Variants in CD302 observed in about 807,000 individuals in gnomAD.
CD302 encodes the protein CD302 antigen.
A neutral mutation model predicts 26.5 loss-of-function variants in CD302; 23 were observed. That is an observed-to-expected ratio of 0.87 (90% CI 0.62 to 1.23). The LOEUF is 1.23. Among genes scored for constraint, CD302 ranks in the 50% most tolerant of loss-of-function variants. The probability of loss-of-function intolerance (pLI) is 0.00; values close to 1 mark genes in which losing one functional copy is unlikely to be tolerated. For synonymous variants in CD302, 90 were observed against 99.4 expected (o/e 0.91, Z 0.56); for missense variants, 290 against 275.5 (o/e 1.05, Z -0.37).
chr2:159,780,902 C>T lies in CD302; in HGVS notation c.275G>A (p.Gly92Asp). The T allele has an allele frequency of 6.2e-7, 1 of 1,612,972 alleles. No individual in the cohort carries two copies. The change falls in exon 3 of 6, where the codon GGC (glycine) becomes GAC (aspartate). Residue 92 changes from glycine to aspartate, a missense_variant. By Grantham distance (94) the Gly-to-Asp change is moderately conservative (BLOSUM62 -1). Coordinates refer to ENST00000259053, the MANE Select transcript of CD302 (RefSeq NM_014880.5). ...CTTACCATCTGTGTCATAAAACATGCCTAGTAGGATATCATCTGGGCCTTT... is the reference window on the plus strand; with the variant it reads ...CTTACCATCTGTGTCATAAAACATGTCTAGTAGGATATCATCTGGGCCTTT... ...QWKGPDDILL[G>D]MFYDTDDASF... is the part of the protein sequence containing the mutation.
intron 1 of CD302, among the ~76,000 whole-genome samples, chr2:159,792,913 GC>G (rs1708847631): frequency 6.6e-6 from 1 of 152,092 alleles, no homozygotes; most frequent in South Asian, 2.1e-4. Flanking sequence ...CAGAGTGTGT[GC>G]CCCAGAAACA....
At chr2:159,787,389 T>C (rs1708694875) in intron 1 of CD302, among the ~76,000 whole-genome samples, 1 of 152,328 alleles carries the variant, frequency 6.6e-6, no homozygotes, top group South Asian at 2.1e-4. Flanking sequence ...CTACTTATTT[T>C]ATGTTCCTTT....
chr2:159,793,777 C>A (rs1439965856), intron 1 of CD302, among the ~76,000 whole-genome samples: 1 of 152,116 alleles, frequency 6.6e-6, no homozygotes, highest in East Asian at 1.9e-4. Context: ...ACACCTCATC[C>A]CCTCTCCATA....
At chr2:159,776,050 G>A (rs7565067) in intron 5 of CD302, among the ~76,000 whole-genome samples, 10,160 of 104,734 alleles carry the variant, frequency 0.097, 833 homozygotes, top group African/African-American at 0.25. Context: ...TCGGGATTTC[G>A]CCATGTTGGC....
chr2:159,793,174 A>C (rs1708854719), intron 1 of CD302, among the ~76,000 whole-genome samples: 1 of 152,216 alleles, frequency 6.6e-6, no homozygotes, highest in Non-Finnish European at 1.5e-5. Context: ...ATAGGTTGTT[A>C]TTAATAATGC....
At position 159,797,989 on chromosome 2, in the gene CD302, G is replaced by C. The variant is rs1002672525; in HGVS notation, c.67+143C>G. The C allele has an allele frequency of 2.5e-5, 18 of 724,388 alleles. No homozygotes were observed. The African/African-American group carries it at 3.0e-4, about 12-fold the overall frequency. 44.9% of individuals were successfully genotyped at this position (724,388 alleles called of 1,614,324 possible). A position where few individuals can be genotyped will look rare whatever the true frequency, so the allele number is the denominator to read the frequency against. Reference sequence around the variant, plus strand: ...CCCGGAGCCAGGACCCACGGGGGACGGGCGTGCAGGGAAGGGCGGGATGGC... The same window carrying C: ...CCCGGAGCCAGGACCCACGGGGGACCGGCGTGCAGGGAAGGGCGGGATGGC... On this transcript the variant is annotated intron_variant, in intron 1 of 5. Coordinates refer to ENST00000259053, the MANE Select transcript of CD302 (RefSeq NM_014880.5).
intron 2 of CD302, 100 bp from the exon 3 acceptor site, chr2:159,781,098 A>G: frequency 1.1e-6 from 1 of 925,128 alleles, no homozygotes; most frequent in South Asian, 1.7e-5. Flanking sequence ...CTTTCTATAT[A>G]TATTAGAGCT....
chr2:159,782,808 A>G (rs1708558574), intron 2 of CD302, among the ~76,000 whole-genome samples: 1 of 151,954 alleles, frequency 6.6e-6, no homozygotes, highest in Admixed American at 6.6e-5. Flanking sequence ...TGTATGGTCT[A>G]GCAAATAGCC....
At chr2:159,774,022 AATGATCTCTTT>A (rs1708236044) in intron 5 of CD302, among the ~76,000 whole-genome samples, 1 of 152,004 alleles carries the variant, frequency 6.6e-6, no homozygotes, top group Non-Finnish European at 1.5e-5. Context: ...AGAGGTCACC[AATGATCTCTTT>A]ATGACTACAT....
chr2:159,775,552 A>T (rs1200395839), intron 5 of CD302, among the ~76,000 whole-genome samples: 4 of 152,226 alleles, frequency 2.6e-5, no homozygotes, highest in Non-Finnish European at 1.5e-5. Flanking sequence ...CCTTAAAGTT[A>T]ACTACTACTG....
At chr2:159,797,444 G>A (rs1254047494) in intron 1 of CD302, among the ~76,000 whole-genome samples, 2 of 152,142 alleles carry the variant, frequency 1.3e-5, no homozygotes, top group African/African-American at 2.4e-5. Flanking sequence ...CAATAGAATT[G>A]TGCATTTTCC....
chr2:159,793,441 A>T (rs1195670730), intron 1 of CD302, among the ~76,000 whole-genome samples: 1 of 152,112 alleles, frequency 6.6e-6, no homozygotes, highest in Non-Finnish European at 1.5e-5. Context: ...AAAAAAAGAA[A>T]AAAAAAACAG....
At chr2:159,787,322 T>A (rs1052752678) in intron 1 of CD302, among the ~76,000 whole-genome samples, 3 of 152,202 alleles carry the variant, frequency 2.0e-5, no homozygotes, top group Admixed American at 2.0e-4. Context: ...ATACTTAATG[T>A]AGTTACGATG....
intron 4 of CD302, 81 bp downstream of exon 4, chr2:159,779,924 A>T: frequency 6.7e-7 from 1 of 1,499,586 alleles, no homozygotes; most frequent in South Asian, 1.3e-5. Context: ...ATTGAGGCAC[A>T]CTTATCTCAA....
chr2:159,797,987 A>C, intron 1 of CD302, 145 bp downstream of exon 1: 1 of 711,000 alleles, frequency 1.4e-6, no homozygotes, highest in Non-Finnish European at 2.2e-6. Flanking sequence ...CCCACGGGGG[A>C]CGGGCGTGCA....
Position 159,771,090 on chromosome 2 carries a change from G to GA in CD302, c.*760dup, listed in dbSNP as rs954093531. 6.6e-6 allele frequency: 1 copy of GA among 152,042 alleles called. No individual in the cohort carries two copies. Among genetic ancestry groups the GA allele is most frequent in the Non-Finnish European group, 1.5e-5 (1 of 67,990 alleles). 9.4% of individuals were successfully genotyped at this position (152,042 alleles called of 1,614,324 possible). On this transcript the variant is annotated 3_prime_UTR_variant, in exon 6 of 6. Transcript: ENST00000259053. ...TTGCACAGTTTTCATGTCATTGAAG[G>GA]AAAAATTTATAAATGCTTGAGGAGA...
rs140185907 is a variant in CD302 at position 159,773,129 on chromosome 2, A to G, written c.497-1076T>C. ...CGCCTTCTGGGTGCCAGGGATTCTC[A>G]TGTGTCAGCCTGGGTAGCTGAGATG... On this transcript the variant is annotated intron_variant, in intron 5 of 5. Transcript: ENST00000259053. Among the ~76,000 whole-genome samples the G allele has an allele frequency of 3.0e-3, 453 of 152,204 alleles. No individual in the cohort carries two copies. In the Middle Eastern group the frequency reaches 0.044, roughly 15 times the overall value.
At chr2:159,773,052 G>A (rs1221264347) in intron 5 of CD302, among the ~76,000 whole-genome samples, 4 of 152,178 alleles carry the variant, frequency 2.6e-5, no homozygotes, top group South Asian at 2.1e-4. Context: ...CAAGAATTCC[G>A]TAAACTGAGT....
intron 4 of CD302, 68 bp downstream of exon 4, chr2:159,779,937 T>C: frequency 6.5e-7 from 1 of 1,530,438 alleles, no homozygotes; most frequent in Non-Finnish European, 8.8e-7. Flanking sequence ...TATCTCAAAA[T>C]TATTTTAAAA....
Sources: gnomAD v4.1 joint callset for allele counts (sites outside exome capture counted in the v4.1 genomes callset) on GRCh38, gnomAD v4.1.1 for gene constraint, MANE v1.5 for transcripts, NCBI Gene and HGNC (gene_info 2026-07-23, HGNC 2026-07-21) for gene names.